Variants in PTPRD observed in about 807,000 individuals in gnomAD.
PTPRD encodes protein tyrosine phosphatase receptor type D.
PTPRD carries 34 observed loss-of-function variants against 214.5 expected under a neutral mutation model. The ratio of observed to expected loss-of-function variants is 0.16; its 90% CI spans 0.12 to 0.21. PTPRD has a LOEUF of 0.21. PTPRD is among the 10% of genes least tolerant of loss of function. The probability of loss-of-function intolerance (pLI) is 1.00; values close to 1 mark genes in which losing one functional copy is unlikely to be tolerated. For missense variants in PTPRD, 2,545 were observed against 2,398.7 expected, an observed-to-expected ratio of 1.06 and a Z score of -1.27; for synonymous variants, 1,128 against 845.7, an observed-to-expected ratio of 1.33 and a Z score of -5.79.
At chr9:9,783,138 G>C (rs762130031) in intron 5 of PTPRD, among the ~76,000 whole-genome samples, 1 of 151,944 alleles carries the variant, frequency 6.6e-6, no homozygotes. Flanking sequence ...TTTCTCCCAC[G>C]CAACAGTAAT....
chr9:9,376,169 G>T (rs2060743925), intron 9 of PTPRD, among the ~76,000 whole-genome samples: 1 of 152,016 alleles, frequency 6.6e-6, no homozygotes, highest in African/African-American at 2.4e-5. Flanking sequence ...AATAATTTGT[G>T]TTGAGTGTAT....
chr9:8,849,493 T>C (rs2097771673), intron 11 of PTPRD, among the ~76,000 whole-genome samples: 1 of 152,224 alleles, frequency 6.6e-6, no homozygotes, highest in Non-Finnish European at 1.5e-5. Context: ...CCCAAAGTGC[T>C]GGGATTACAG....
At chr9:9,410,723 T>TAAATATA (rs2075121824) in intron 8 of PTPRD, among the ~76,000 whole-genome samples, 1 of 152,210 alleles carries the variant, frequency 6.6e-6, no homozygotes, top group African/African-American at 2.4e-5. Context: ...TTTAGTTTTG[T>TAAATATA]TATTTATACA....
At chr9:8,822,150 T>C (rs1376896642) in intron 11 of PTPRD, among the ~76,000 whole-genome samples, 2 of 152,224 alleles carry the variant, frequency 1.3e-5, no homozygotes, top group African/African-American at 4.8e-5. Flanking sequence ...ATTTCATAAA[T>C]GCACAAGGGG....
chr9:10,600,413 C>A (rs2077667554), intron 2 of PTPRD, among the ~76,000 whole-genome samples: 1 of 151,688 alleles, frequency 6.6e-6, no homozygotes, highest in Non-Finnish European at 1.5e-5. Flanking sequence ...CACCCAATTT[C>A]TTAAGATTGA....
intron 9 of PTPRD, among the ~76,000 whole-genome samples, chr9:9,377,821 T>C (rs2061194996): frequency 6.6e-6 from 1 of 152,122 alleles, no homozygotes; most frequent in African/African-American, 2.4e-5. Flanking sequence ...GGCAGGGTCA[T>C]ACCTATTAGG....
At chr9:8,436,217 G>A (rs1006420487) in intron 35 of PTPRD, among the ~76,000 whole-genome samples, 1 of 151,948 alleles carries the variant, frequency 6.6e-6, no homozygotes, top group Non-Finnish European at 1.5e-5. Context: ...GGGAGATGTT[G>A]ATCAGTTTTA....
intron 10 of PTPRD, among the ~76,000 whole-genome samples, chr9:9,083,897 G>A (rs1369016930): frequency 2.6e-5 from 4 of 152,104 alleles, no homozygotes; most frequent in Non-Finnish European, 4.4e-5. Context: ...AAAAAGTCAG[G>A]AAACAACAGA....
Position 8,431,299 on chromosome 9 carries a change from A to G in PTPRD, c.4086+5293T>C, listed in dbSNP as rs1313152476. Among the ~76,000 whole-genome samples, 4 of 152,200 alleles carry G rather than the reference A, an allele frequency of 2.6e-5. No individual in the cohort carries two copies. In the East Asian group the frequency reaches 7.7e-4, roughly 29 times the overall value. ...TGTGCGTGGGTGAGAAAAAAAGAAG[A>G]CGCTGGCTTGTATAAGGGGAAGAAT... On this transcript the variant is annotated intron_variant, in intron 35 of 45. Coordinates refer to ENST00000381196, the MANE Select transcript of PTPRD (RefSeq NM_002839.4).
intron 7 of PTPRD, among the ~76,000 whole-genome samples, chr9:9,648,359 C>G (rs1479901426): frequency 6.6e-6 from 1 of 152,142 alleles, no homozygotes; most frequent in Non-Finnish European, 1.5e-5. Context: ...CTAGGGTAAT[C>G]TGATACAGTG....
intron 35 of PTPRD, among the ~76,000 whole-genome samples, chr9:8,420,839 C>A (rs2094311290): frequency 6.8e-6 from 1 of 147,542 alleles, no homozygotes; most frequent in Non-Finnish European, 1.5e-5. Flanking sequence ...AATATAAAGA[C>A]ACTGAGAGCG....
chr9:8,846,912 T>C (rs2097708065), intron 11 of PTPRD, among the ~76,000 whole-genome samples: 1 of 152,062 alleles, frequency 6.6e-6, no homozygotes, highest in African/African-American at 2.4e-5. Flanking sequence ...CAGATTTGAG[T>C]TTCTTAAAGA....
At chr9:8,885,829 A>G (rs2098483043) in intron 11 of PTPRD, among the ~76,000 whole-genome samples, 1 of 152,066 alleles carries the variant, frequency 6.6e-6, no homozygotes, top group Admixed American at 6.6e-5. Context: ...GAATGTACCC[A>G]TGTCAGATCA....
intron 11 of PTPRD, among the ~76,000 whole-genome samples, chr9:8,777,580 A>G (rs1201109048): frequency 6.6e-6 from 1 of 152,228 alleles, no homozygotes; most frequent in African/African-American, 2.4e-5. Flanking sequence ...AACTGTCCTG[A>G]GAATGTGTAT....
At chr9:9,075,824 G>A (rs1383311172) in intron 10 of PTPRD, among the ~76,000 whole-genome samples, 2 of 152,078 alleles carry the variant, frequency 1.3e-5, no homozygotes, top group African/African-American at 4.8e-5. Context: ...TGGAAATTTG[G>A]CTTCTTTCCA....
At chr9:8,382,444 T>A (rs1323663383) in intron 37 of PTPRD, among the ~76,000 whole-genome samples, 2 of 152,180 alleles carry the variant, frequency 1.3e-5, no homozygotes, top group Admixed American at 1.3e-4. Flanking sequence ...TTCCAGCTCT[T>A]TACTCAGGTC....
chr9:8,536,239 C>A (rs1044841608), intron 14 of PTPRD, among the ~76,000 whole-genome samples: 2 of 151,886 alleles, frequency 1.3e-5, no homozygotes, highest in South Asian at 4.2e-4. Context: ...AGTGATGAAA[C>A]TCTTAATCAC....
intron 12 of PTPRD, among the ~76,000 whole-genome samples, chr9:8,709,240 C>T (rs1399365497): frequency 6.6e-6 from 1 of 151,918 alleles, no homozygotes; most frequent in Non-Finnish European, 1.5e-5. Context: ...AGAGGCCAGG[C>T]GCAGTGGCTC....
intron 11 of PTPRD, among the ~76,000 whole-genome samples, chr9:8,981,710 T>C (rs1242387337): frequency 6.6e-6 from 1 of 152,048 alleles, no homozygotes; most frequent in African/African-American, 2.4e-5. Flanking sequence ...TTCTCCTCCT[T>C]ATAGGATTTT....
Sources: allele counts gnomAD v4.1 joint callset (sites outside exome capture counted in the v4.1 genomes callset), GRCh38; gene constraint gnomAD v4.1.1; transcripts MANE v1.5; gene names NCBI Gene and HGNC (gene_info 2026-07-23, HGNC 2026-07-21).